GON7: variants seen among roughly 807,000 people sequenced by gnomAD.
GON7 encodes EKC/KEOPS complex subunit GON7.
In GON7, 2 loss-of-function variants were observed where a neutral mutation model predicts 7.6. That is an observed-to-expected ratio of 0.26 (90% CI 0.11 to 0.83). GON7 has a LOEUF of 0.83. Ranked by LOEUF, GON7 falls within the 40% of genes least tolerant of loss-of-function variation. The pLI, the probability that GON7 is intolerant of heterozygous loss-of-function variation, is 0.65. For missense variants in GON7, 121 were observed against 132.2 expected, an observed-to-expected ratio of 0.92 and a Z score of 0.42; for synonymous variants, 54 against 56.6, an observed-to-expected ratio of 0.95 and a Z score of 0.20.
At chr14:93,205,097 G>A (rs1894314413) in intron 1 of GON7, among the ~76,000 whole-genome samples, 1 of 152,200 alleles carries the variant, frequency 6.6e-6, no homozygotes, top group South Asian at 2.1e-4. Context: ...GAACTGCTGG[G>A]TCATATGGTA....
intron 1 of GON7, among the ~76,000 whole-genome samples, chr14:93,204,122 A>G (rs993424684): frequency 7.9e-5 from 12 of 152,118 alleles, no homozygotes; most frequent in Admixed American, 5.9e-4. Flanking sequence ...CAGCCTCCCA[A>G]GTAGCTGGGA....
At chr14:93,203,834 A>G (rs1894293996) in intron 1 of GON7, 52 bp from the exon 2 acceptor site, 1 of 1,405,358 alleles carries the variant, frequency 7.1e-7, no homozygotes, top group African/African-American at 1.4e-5. Context: ...GCTGAAAGAA[A>G]TATATATAGC....
chr14:93,203,845 T>TA lies in GON7; in HGVS notation c.209-64dup, dbSNP rs1894294268. 3 of 1,280,236 alleles carry TA rather than the reference T, an allele frequency of 2.3e-6. No homozygotes were observed. In the Admixed American group the frequency reaches 5.6e-5, roughly 24 times the overall value. The allele number at this position is 1,280,236 out of a possible 1,614,324, so 79.3% of individuals were successfully genotyped here. On this transcript the variant is annotated intron_variant, in intron 1 of 1. Transcript: ENST00000306954. ...TATGGCTGAAAGAAATATATATAGC[T>TA]AAAGTGGTTGATAATGAGACCATTT...
Position 93,206,831 on chromosome 14 carries a change from G to A in GON7, c.207C>T (p.Asp69=). The A allele has an allele frequency of 1.2e-6, 2 of 1,613,362 alleles. No individual in the cohort carries two copies. Among genetic ancestry groups the A allele is most frequent in the East Asian group, 2.2e-5 (1 of 44,848 alleles). The change falls in exon 1 of 2, where the codon GAC becomes GAT. Residue 69 remains aspartate (D), a splice_region_variant and synonymous_variant. Coordinates refer to ENST00000306954, the MANE Select transcript of GON7 (RefSeq NM_032490.5). ...RVAAAPDEDL[D]GDDEDDAEDE... ...CTGCAGCACCGTCTCAGAGCTCACC[G>A]TCCAAGTCCTCGTCTGGAGCCGCCG...
chr14:93,205,056 G>A (rs1894313895), intron 1 of GON7, among the ~76,000 whole-genome samples: 1 of 152,156 alleles, frequency 6.6e-6, no homozygotes, highest in Admixed American at 6.5e-5. Context: ...GTGAACATAC[G>A]TTTCCAGTTT....
At chr14:93,204,099 G>A (rs796182709) in intron 1 of GON7, among the ~76,000 whole-genome samples, 6 of 152,050 alleles carry the variant, frequency 3.9e-5, no homozygotes, top group South Asian at 2.1e-4. Flanking sequence ...GGGTTCAAGC[G>A]ATTCCTCTGT....
At chr14:93,206,301 C>G (rs1164628617) in intron 1 of GON7, among the ~76,000 whole-genome samples, 1 of 150,812 alleles carries the variant, frequency 6.6e-6, no homozygotes, top group Admixed American at 6.6e-5. Context: ...GAGCCACCAG[C>G]CCGGACCACT....
chr14:93,204,438 G>A (rs796202035), intron 1 of GON7, among the ~76,000 whole-genome samples: 1 of 151,990 alleles, frequency 6.6e-6, no homozygotes, highest in Non-Finnish European at 1.5e-5. Flanking sequence ...CTCAGCCTTC[G>A]GCAACCACTA....
At chr14:93,205,666 CAA>C (rs749347487) in intron 1 of GON7, among the ~76,000 whole-genome samples, 11 of 124,368 alleles carry the variant, frequency 8.8e-5, no homozygotes, top group Non-Finnish European at 1.2e-4. Flanking sequence ...GACTCCATCT[CAA>C]AAAAAAAAAA....
At position 93,203,468 on chromosome 14, in the gene GON7, C is replaced by A; in HGVS notation, c.*220G>T. On this transcript the variant is annotated 3_prime_UTR_variant, in exon 2 of 2. Coordinates refer to ENST00000306954, the MANE Select transcript of GON7 (RefSeq NM_032490.5). The stretch of plus-strand genomic sequence containing the variant: ...TATACATTATGAAGTGTTCTATTTT[C>A]CTTCCAGGGTCTGAAATTTATTTCT... 2.0e-6 allele frequency: 1 copy of A among 493,912 alleles called. No individual in the cohort carries two copies. The highest frequency in any genetic ancestry group is 3.6e-6 in the Non-Finnish European group (1 of 278,210). 30.6% of individuals were successfully genotyped at this position (493,912 alleles called of 1,614,324 possible). A position where few individuals can be genotyped will look rare whatever the true frequency, so the allele number is the denominator to read the frequency against.
chr14:93,204,960 G>A (rs1473933364), intron 1 of GON7, among the ~76,000 whole-genome samples: 1 of 152,112 alleles, frequency 6.6e-6, no homozygotes, highest in Non-Finnish European at 1.5e-5. Context: ...TCCTAAAGGC[G>A]CAACACCAAG....
chr14:93,207,010 G>T lies in GON7; in HGVS notation c.28C>A (p.Gln10Lys). The change falls in exon 1 of 2, where the codon CAG (glutamine) becomes AAG (lysine). Residue 10 changes from glutamine to lysine, a missense_variant. Gln to Lys is a moderately conservative substitution (Grantham distance 53). Transcript: ENST00000306954. ...CGCAGCTTCTGCGGCTTCCCTTCCT[G>T]CCCGACGTACTCTCCCAGCAGCTCC... Reference protein sequence around the residue: MELLGEYVGQEGKPQKLRVS... With the variant: MELLGEYVGKEGKPQKLRVS... 1 of 1,613,746 alleles carries T rather than the reference G, an allele frequency of 6.2e-7. No individual in the cohort carries two copies. The highest frequency in any genetic ancestry group is 8.5e-7 in the Non-Finnish European group (1 of 1,180,000).
chr14:93,205,441 G>A (rs193224822), intron 1 of GON7, among the ~76,000 whole-genome samples: 1 of 152,140 alleles, frequency 6.6e-6, no homozygotes, highest in African/African-American at 2.4e-5. Context: ...AGGCTGAGGC[G>A]GGTGGATCAC....
chr14:93,205,841 T>C (rs1179743000), intron 1 of GON7, among the ~76,000 whole-genome samples: 1 of 152,196 alleles, frequency 6.6e-6, no homozygotes, highest in East Asian at 1.9e-4. Flanking sequence ...TGGAACCTGT[T>C]CCTACTCTGC....
Position 93,206,920 on chromosome 14 carries a change from T to C in GON7, c.118A>G (p.Met40Val), listed in dbSNP as rs1217110284. Residue 40 changes from methionine to valine, a missense_variant, in exon 1 of 2, where the codon ATG (methionine) becomes GTG (valine). Physicochemically the swap from Met to Val is conservative, Grantham distance 21. Transcript: ENST00000306954. The part of the protein sequence containing the change: ...FQGLLSGVAQ[M>V]KDMVTELFDP... Reference sequence around the variant, plus strand: ...AATAATTCCGTTACCATGTCCTTCATCTGGGCCACGCCAGACAACAGGCCC... The same window carrying C: ...AATAATTCCGTTACCATGTCCTTCACCTGGGCCACGCCAGACAACAGGCCC... The C allele has an allele frequency of 6.2e-7, 1 of 1,614,214 alleles. No homozygotes were observed. Among genetic ancestry groups the C allele is most frequent in the South Asian group, 1.1e-5 (1 of 91,088 alleles).
intron 1 of GON7, among the ~76,000 whole-genome samples, chr14:93,204,007 C>CT (rs200536959): frequency 0.012 from 1,794 of 151,086 alleles, 15 homozygotes; most frequent in Non-Finnish European, 0.019. Context: ...CTCTTTTTTT[C>CT]TTTTTTTTTG....
chr14:93,206,804 C>A, intron 1 of GON7, 26 bp downstream of exon 1: 1 of 1,593,708 alleles, frequency 6.3e-7, no homozygotes, highest in South Asian at 1.1e-5. Context: ...GTCCTCCGGT[C>A]ACTGCAGCAC....
At chr14:93,205,813 G>T (rs1417163161) in intron 1 of GON7, among the ~76,000 whole-genome samples, 1 of 152,214 alleles carries the variant, frequency 6.6e-6, no homozygotes, top group Non-Finnish European at 1.5e-5. Flanking sequence ...GTGATAAAAT[G>T]AAGTCTGTCC....
intron 1 of GON7, among the ~76,000 whole-genome samples, chr14:93,204,713 G>A (rs1644123559): frequency 6.6e-6 from 1 of 152,222 alleles, no homozygotes; most frequent in South Asian, 2.1e-4. Flanking sequence ...CATTCATGTT[G>A]TAGCACATGT....
Sources: allele counts gnomAD v4.1 joint callset (sites outside exome capture counted in the v4.1 genomes callset), GRCh38; gene constraint gnomAD v4.1.1; transcripts MANE v1.5; gene names NCBI Gene and HGNC (gene_info 2026-07-23, HGNC 2026-07-21).